JAK2: variants seen among roughly 807,000 people sequenced by gnomAD.
JAK2 encodes the protein Janus kinase 2.
In JAK2, 86 loss-of-function variants were observed where a neutral mutation model predicts 139.3. The observed-to-expected ratio is 0.62, with a 90% CI of 0.52 to 0.74. The LOEUF is 0.74. Ranked by LOEUF, JAK2 falls within the 30% of genes least tolerant of loss-of-function variation. JAK2 has a pLI of 0.00. For synonymous variants in JAK2, 490 were observed against 437.7 expected, an observed-to-expected ratio of 1.12 and a Z score of -1.49; for missense variants, 1,421 against 1,360.3, an observed-to-expected ratio of 1.04 and a Z score of -0.70.
At chr9:5,101,255 A>G (rs900990338) in intron 22 of JAK2, among the ~76,000 whole-genome samples, 54 of 152,356 alleles carry the variant, frequency 3.5e-4, no homozygotes, top group African/African-American at 1.3e-3. Context: ...GGCAGGTCCC[A>G]CACCCACGGA....
At chr9:5,052,801 A>G (rs1047524563) in intron 6 of JAK2, among the ~76,000 whole-genome samples, 3 of 152,016 alleles carry the variant, frequency 2.0e-5, no homozygotes, top group Admixed American at 6.6e-5. Context: ...TCCAAGGTTC[A>G]TTCATGTTGT....
chr9:5,081,636 G>C (rs968384979), intron 18 of JAK2, 89 bp from the exon 19 acceptor site: 1 of 851,386 alleles, frequency 1.2e-6, no homozygotes, highest in Non-Finnish European at 1.9e-6. Flanking sequence ...TTTAACTCAC[G>C]ATTATTTTGG....
intron 19 of JAK2, among the ~76,000 whole-genome samples, chr9:5,083,775 C>G (rs1284929018): frequency 2.2e-5 from 2 of 91,310 alleles, no homozygotes; most frequent in Admixed American, 9.5e-5. Flanking sequence ...ATAAAGTTAT[C>G]TTTTCAAGTA....
intron 22 of JAK2, among the ~76,000 whole-genome samples, chr9:5,103,645 T>C (rs902492664): frequency 1.3e-5 from 2 of 152,130 alleles, no homozygotes; most frequent in Non-Finnish European, 2.9e-5. Context: ...ATCACACTTA[T>C]TCCAAAATAG....
intron 22 of JAK2, among the ~76,000 whole-genome samples, chr9:5,101,319 TG>T (rs1362077012): frequency 2.0e-5 from 3 of 152,240 alleles, no homozygotes; most frequent in Admixed American, 2.0e-4. Context: ...GGCAGCAGCC[TG>T]GCAGGCGGAG....
At chr9:5,100,639 C>G (rs780408014) in intron 22 of JAK2, 1 of 152,240 alleles carries the variant, frequency 6.6e-6, no homozygotes, top group Non-Finnish European at 1.5e-5. Context: ...CTGAATACAT[C>G]TGTATTATTT....
At chr9:5,035,665 T>C (rs925773265) in intron 4 of JAK2, among the ~76,000 whole-genome samples, 5 of 152,216 alleles carry the variant, frequency 3.3e-5, no homozygotes, top group Non-Finnish European at 7.3e-5. Context: ...AAAAGGTCTT[T>C]GGCAAAATTC....
intron 2 of JAK2, among the ~76,000 whole-genome samples, chr9:5,000,694 G>A (rs1324908958): frequency 6.6e-6 from 1 of 152,114 alleles, no homozygotes; most frequent in South Asian, 2.1e-4. Context: ...GTTTTAATAC[G>A]TCTGTAATTT....
At chr9:5,052,029 T>C (rs1456121095) in intron 6 of JAK2, among the ~76,000 whole-genome samples, 1 of 152,094 alleles carries the variant, frequency 6.6e-6, no homozygotes, top group Non-Finnish European at 1.5e-5. Flanking sequence ...TATGCCAGGC[T>C]ATAGTAGAAC....
intron 8 of JAK2, among the ~76,000 whole-genome samples, chr9:5,061,475 T>C (rs545934612): frequency 6.6e-6 from 1 of 152,394 alleles, no homozygotes; most frequent in Admixed American, 6.5e-5. Flanking sequence ...ACTTATGCTG[T>C]GCACATGGCT....
intron 2 of JAK2, 55 bp from the exon 3 acceptor site, chr9:5,021,908 C>G (rs1822455827): frequency 2.9e-6 from 3 of 1,023,442 alleles, no homozygotes; most frequent in Non-Finnish European, 4.4e-6. Flanking sequence ...GCTAGGATTA[C>G]AGGTGTGAGA....
intron 2 of JAK2, among the ~76,000 whole-genome samples, chr9:4,990,550 G>A (rs180697002): frequency 2.6e-5 from 4 of 152,052 alleles, no homozygotes; most frequent in Non-Finnish European, 4.4e-5. Context: ...AGAAAAGAGT[G>A]GGATTGCCCA....
chr9:5,073,691 TC>T lies in JAK2; in HGVS notation c.1777-5del. 6.2e-7 allele frequency: 1 copy of T among 1,600,918 alleles called. No homozygotes were observed. Among genetic ancestry groups the T allele is most frequent in the Non-Finnish European group, 8.5e-7 (1 of 1,172,424 alleles). On this transcript the variant is annotated splice_region_variant and splice_polypyrimidine_tract_variant and intron_variant, in intron 13 of 24. Coordinates refer to ENST00000381652, the MANE Select transcript of JAK2 (RefSeq NM_004972.4). Reference sequence around the variant, plus strand: ...CAACAATTCTTTGTACTTTTTTTTTTCCTTAGTCTTTCTTTGAAGCAGCAAG... The same window carrying T: ...CAACAATTCTTTGTACTTTTTTTTTTCTTAGTCTTTCTTTGAAGCAGCAAG...
intron 18 of JAK2, among the ~76,000 whole-genome samples, chr9:5,081,368 C>G (rs1277248788): frequency 6.6e-6 from 1 of 150,806 alleles, no homozygotes; most frequent in African/African-American, 2.4e-5. Flanking sequence ...TTGCTTTGTT[C>G]TCTCCTTTTT....
intron 4 of JAK2, among the ~76,000 whole-genome samples, chr9:5,043,863 A>G (rs1816800866): frequency 6.6e-6 from 1 of 152,240 alleles, no homozygotes; most frequent in South Asian, 2.1e-4. Flanking sequence ...CACATGTTCT[A>G]AAATTAGATT....
At chr9:5,039,512 T>C (rs1456112252) in intron 4 of JAK2, among the ~76,000 whole-genome samples, 1 of 151,966 alleles carries the variant, frequency 6.6e-6, no homozygotes, top group African/African-American at 2.4e-5. Context: ...GTGTGGGAGG[T>C]TCTGGAACTA....
intron 22 of JAK2, among the ~76,000 whole-genome samples, chr9:5,117,828 G>T (rs909681097): frequency 6.6e-6 from 1 of 152,138 alleles, no homozygotes. Flanking sequence ...TACTGACAGA[G>T]GGGACGTTGT....
chr9:5,003,810 T>G (rs1821088306), intron 2 of JAK2, among the ~76,000 whole-genome samples: 1 of 151,964 alleles, frequency 6.6e-6, no homozygotes. Context: ...GATCAATATT[T>G]TACCATTAGG....
At position 5,129,178 on chromosome 9, in the gene JAK2, T is replaced by C. The variant is rs1824187148; in HGVS notation, c.*2387T>C. ...GCAAATACCTACAGTTCTGTATCTA[T>C]AGAGCCAATCTTGATGGTGGGTGTG... is the stretch of plus-strand genomic sequence containing the variant. On this transcript the variant is annotated 3_prime_UTR_variant, in exon 25 of 25. Transcript: ENST00000381652. Among the ~76,000 whole-genome samples the C allele has an allele frequency of 6.6e-6, 1 of 152,122 alleles. No individual in the cohort carries two copies. Among genetic ancestry groups the C allele is most frequent in the African/African-American group, 2.4e-5 (1 of 41,458 alleles).
Sources: gnomAD v4.1 joint callset for allele counts (sites outside exome capture counted in the v4.1 genomes callset) on GRCh38, gnomAD v4.1.1 for gene constraint, MANE v1.5 for transcripts, NCBI Gene and HGNC (gene_info 2026-07-23, HGNC 2026-07-21) for gene names.